The following PPFIA2 variants were observed in gnomAD, a reference collection of about 807,000 sequenced individuals.
PPFIA2 encodes the protein liprin-alpha-2.
A neutral mutation model predicts 175.5 loss-of-function variants in PPFIA2; 46 were observed. The ratio of observed to expected loss-of-function variants is 0.26; its 90% CI spans 0.21 to 0.34. PPFIA2 has a LOEUF of 0.34. Ranked by LOEUF, PPFIA2 falls within the 10% of genes least tolerant of loss-of-function variation. The pLI is 1.00. For synonymous variants in PPFIA2, 568 were observed against 511.4 expected, an observed-to-expected ratio of 1.11 and a Z score of -1.49; for missense variants, 1,179 against 1,506.1, an observed-to-expected ratio of 0.78 and a Z score of 3.60.
intron 8 of PPFIA2, among the ~76,000 whole-genome samples, chr12:81,396,245 G>A (rs1454155657): frequency 6.6e-6 from 1 of 152,040 alleles, no homozygotes; most frequent in African/African-American, 2.4e-5. Context: ...AGGTACCTGA[G>A]CTTCATCAGG....
At chr12:81,678,566 CCTTT>C (rs1380596234) in intron 3 of PPFIA2, among the ~76,000 whole-genome samples, 1 of 151,800 alleles carries the variant, frequency 6.6e-6, no homozygotes, top group Non-Finnish European at 1.5e-5. Context: ...TAAATGGTCT[CCTTT>C]CTAATGGAAA....
intron 4 of PPFIA2, among the ~76,000 whole-genome samples, chr12:81,502,841 CT>C (rs2060731493): frequency 1.3e-5 from 2 of 152,038 alleles, no homozygotes; most frequent in Non-Finnish European, 2.9e-5. Context: ...AATCATTTAT[CT>C]AAATAATATC....
At chr12:81,706,124 C>T (rs1464750286) in intron 3 of PPFIA2, among the ~76,000 whole-genome samples, 1 of 152,098 alleles carries the variant, frequency 6.6e-6, no homozygotes, top group African/African-American at 2.4e-5. Flanking sequence ...GTTTATGAAA[C>T]AAGTTAATAC....
chr12:81,318,048 T>G (rs2052798747), intron 22 of PPFIA2, among the ~76,000 whole-genome samples: 1 of 151,742 alleles, frequency 6.6e-6, no homozygotes, highest in Non-Finnish European at 1.5e-5. Context: ...TCAATTTATC[T>G]GTACTAACCC....
chr12:81,418,881 A>T (rs17737403), intron 7 of PPFIA2, among the ~76,000 whole-genome samples: 13,416 of 151,932 alleles, frequency 0.088, 828 homozygotes, highest in Middle Eastern at 0.17. Flanking sequence ...TATTTTGTCT[A>T]CTCATGTCTA....
At chr12:81,472,455 T>G (rs192140397) in intron 4 of PPFIA2, 2 of 152,324 alleles carry the variant, frequency 1.3e-5, no homozygotes, top group Admixed American at 6.5e-5. Flanking sequence ...AAGGCAATAA[T>G]GGGCACCATG....
intron 4 of PPFIA2, among the ~76,000 whole-genome samples, chr12:81,644,236 A>G (rs1395003859): frequency 6.6e-6 from 1 of 152,028 alleles, no homozygotes; most frequent in Admixed American, 6.6e-5. Flanking sequence ...ATGATGCATT[A>G]CTATATTCTA....
intron 4 of PPFIA2, chr12:81,535,554 C>T (rs924760852): frequency 3.0e-5 from 13 of 439,430 alleles, no homozygotes; most frequent in Middle Eastern, 3.5e-4. Context: ...AAAATACATA[C>T]ATTTCTCTGT....
intron 7 of PPFIA2, among the ~76,000 whole-genome samples, chr12:81,416,353 T>C (rs1466494208): frequency 2.0e-5 from 3 of 151,372 alleles, no homozygotes; most frequent in Non-Finnish European, 4.4e-5. Context: ...GGGTAGAGAG[T>C]ATTCATTAAG....
At chr12:81,392,973 C>G (rs1025014805) in intron 8 of PPFIA2, among the ~76,000 whole-genome samples, 1 of 151,942 alleles carries the variant, frequency 6.6e-6, no homozygotes, top group Non-Finnish European at 1.5e-5. Context: ...TGACCTCCAC[C>G]ATTGTCACCC....
chr12:81,345,122 A>G (rs575726862), intron 18 of PPFIA2, among the ~76,000 whole-genome samples: 1 of 152,152 alleles, frequency 6.6e-6, no homozygotes, highest in Admixed American at 6.6e-5. Context: ...CCATCTATGC[A>G]GAGCTTTGGG....
intron 3 of PPFIA2, among the ~76,000 whole-genome samples, chr12:81,722,891 T>C (rs2079537113): frequency 6.6e-6 from 1 of 151,154 alleles, no homozygotes; most frequent in Non-Finnish European, 1.5e-5. Flanking sequence ...AAAATTTCTC[T>C]TCTGAAGATT....
intron 4 of PPFIA2, among the ~76,000 whole-genome samples, chr12:81,656,287 T>C (rs779455154): frequency 6.6e-6 from 1 of 152,154 alleles, no homozygotes; most frequent in Non-Finnish European, 1.5e-5. Context: ...TTTCTACTTA[T>C]ATTTAATGCA....
At chr12:81,634,856 A>T (rs1371210992) in intron 4 of PPFIA2, among the ~76,000 whole-genome samples, 2 of 151,736 alleles carry the variant, frequency 1.3e-5, no homozygotes, top group African/African-American at 4.8e-5. Flanking sequence ...TTATTTCCCA[A>T]TAGTATGGGT....
chr12:81,476,961 G>A (rs2057550863), intron 4 of PPFIA2, among the ~76,000 whole-genome samples: 1 of 152,100 alleles, frequency 6.6e-6, no homozygotes, highest in Non-Finnish European at 1.5e-5. Flanking sequence ...CCCAGGAACA[G>A]AAAACCAAAC....
intron 3 of PPFIA2, among the ~76,000 whole-genome samples, chr12:81,689,124 T>TA (rs78936066): frequency 0.49 from 73,718 of 149,696 alleles, 19,513 homozygotes; most frequent in East Asian, 0.77. Context: ...ATCTTAAATT[T>TA]AAAAAAAAAC....
At chr12:81,687,446 G>C (rs1596392254) in intron 3 of PPFIA2, 1 of 152,016 alleles carries the variant, frequency 6.6e-6, no homozygotes, top group African/African-American at 2.4e-5. Flanking sequence ...TTGAAACTCA[G>C]TCTAGGCACC....
intron 17 of PPFIA2, among the ~76,000 whole-genome samples, chr12:81,348,292 T>C (rs915643589): frequency 5.9e-5 from 9 of 152,204 alleles, no homozygotes; most frequent in African/African-American, 1.9e-4. Flanking sequence ...CAGTAAATGG[T>C]CATTCATAAT....
intron 7 of PPFIA2, among the ~76,000 whole-genome samples, chr12:81,418,350 T>G (rs2045675288): frequency 6.6e-6 from 1 of 151,970 alleles, no homozygotes; most frequent in Non-Finnish European, 1.5e-5. Flanking sequence ...TTCTAACTAC[T>G]CAAAGCTATC....
Sources: allele counts gnomAD v4.1 joint callset (sites outside exome capture counted in the v4.1 genomes callset), GRCh38; gene constraint gnomAD v4.1.1; transcripts MANE v1.5; gene names NCBI Gene and HGNC (gene_info 2026-07-23, HGNC 2026-07-21).